The following FANCL variants were observed in gnomAD, a reference collection of about 807,000 sequenced individuals.
FANCL encodes FA complementation group L.
FANCL carries 69 observed loss-of-function variants against 59.4 expected under a neutral mutation model. The observed-to-expected ratio is 1.16, with a 90% CI of 0.96 to 1.42. The LOEUF (loss-of-function observed/expected upper bound fraction) is 1.42, where lower values mean the gene tolerates loss of function less well. Ranked by LOEUF, FANCL falls within the 40% of genes most tolerant of loss-of-function variation. The pLI is 0.00. For missense variants in FANCL, 519 were observed against 447.2 expected, an observed-to-expected ratio of 1.16 and a Z score of -1.45; for synonymous variants, 180 against 147.1, an observed-to-expected ratio of 1.22 and a Z score of -1.62.
intron 7 of FANCL, among the ~76,000 whole-genome samples, chr2:58,197,419 GT>G (rs1207221943): frequency 3.5e-4 from 54 of 152,126 alleles, no homozygotes; most frequent in African/African-American, 1.1e-3. Flanking sequence ...CACTAGAAAT[GT>G]TTTTTCTCTT....
At chr2:58,228,593 CA>C (rs1166353949) in intron 3 of FANCL, among the ~76,000 whole-genome samples, 2 of 152,188 alleles carry the variant, frequency 1.3e-5, no homozygotes, top group African/African-American at 4.8e-5. Context: ...GTAGCTGCAA[CA>C]GAGATCTTAT....
chr2:58,210,458 G>T (rs1332812228), intron 5 of FANCL, among the ~76,000 whole-genome samples: 1 of 152,158 alleles, frequency 6.6e-6, no homozygotes, highest in South Asian at 2.1e-4. Flanking sequence ...TACAATTCAA[G>T]ATGAGACTTG....
At chr2:58,168,611 C>T (rs944293455) in intron 7 of FANCL, among the ~76,000 whole-genome samples, 1 of 152,052 alleles carries the variant, frequency 6.6e-6, no homozygotes, top group African/African-American at 2.4e-5. Flanking sequence ...CTATTCACTC[C>T]CCTAGAAAGG....
intron 7 of FANCL, among the ~76,000 whole-genome samples, chr2:58,176,248 G>C (rs371659651): frequency 6.6e-6 from 1 of 152,072 alleles, no homozygotes; most frequent in African/African-American, 2.4e-5. Flanking sequence ...CAAGCTACCA[G>C]TGACTTTCTT....
chr2:58,185,325 C>T (rs1688295704), intron 7 of FANCL, among the ~76,000 whole-genome samples: 1 of 152,054 alleles, frequency 6.6e-6, no homozygotes, highest in African/African-American at 2.4e-5. Flanking sequence ...CTGACTGTTC[C>T]GTATACGGGC....
At chr2:58,219,151 AAAAAAAAAAAAAAAAAAAAAATATATAT>A (rs1277336405) in intron 5 of FANCL, among the ~76,000 whole-genome samples, 2 of 65,422 alleles carry the variant, frequency 3.1e-5, no homozygotes, top group African/African-American at 1.9e-4. Flanking sequence ...AAAAAAAAAA[AAAAAAAAAAAAAAAAAAAAAATATATAT>A]ATATATATAT....
At chr2:58,163,993 T>G (rs1471195446) in intron 8 of FANCL, among the ~76,000 whole-genome samples, 1 of 152,010 alleles carries the variant, frequency 6.6e-6, no homozygotes, top group African/African-American at 2.4e-5. Context: ...TTATAAAAAT[T>G]TATAAAAACA....
intron 5 of FANCL, among the ~76,000 whole-genome samples, chr2:58,220,508 A>G (rs971220944): frequency 6.6e-6 from 1 of 152,260 alleles, no homozygotes; most frequent in South Asian, 2.1e-4. Context: ...TTTCTGTAAT[A>G]ATCACAGTGC....
chr2:58,164,863 T>C (rs2104809879), intron 8 of FANCL, among the ~76,000 whole-genome samples: 1 of 152,208 alleles, frequency 6.6e-6, no homozygotes, highest in East Asian at 1.9e-4. Context: ...GTAGAACTGC[T>C]GTAAACTATA....
intron 5 of FANCL, among the ~76,000 whole-genome samples, chr2:58,208,182 T>A (rs1262084061): frequency 6.6e-6 from 1 of 152,120 alleles, no homozygotes; most frequent in Non-Finnish European, 1.5e-5. Context: ...CAATCATCAT[T>A]GGAAAGCTCA....
At chr2:58,163,250 T>A (rs561759044) in intron 9 of FANCL, 176 bp from the exon 10 acceptor site, 1 of 734,250 alleles carries the variant, frequency 1.4e-6, no homozygotes, top group Non-Finnish European at 2.3e-6. Context: ...TTAAAATAAC[T>A]ATCATTATTG....
intron 7 of FANCL, among the ~76,000 whole-genome samples, chr2:58,176,228 C>T (rs1687284076): frequency 6.6e-6 from 1 of 152,126 alleles, no homozygotes; most frequent in South Asian, 2.1e-4. Context: ...AGATTCAATG[C>T]CATCCCCATC....
At chr2:58,166,282 G>T (rs1003512470) in intron 7 of FANCL, among the ~76,000 whole-genome samples, 2 of 152,052 alleles carry the variant, frequency 1.3e-5, no homozygotes, top group African/African-American at 4.8e-5. Flanking sequence ...CATGTTTGCT[G>T]CAGCAATCAA....
chr2:58,226,856 G>T, intron 3 of FANCL, 72 bp from the exon 4 acceptor site: 1 of 1,243,076 alleles, frequency 8.0e-7, no homozygotes, highest in Non-Finnish European at 1.2e-6. Flanking sequence ...GTAAAAAAAT[G>T]TAGGCCCAAG....
intron 7 of FANCL, among the ~76,000 whole-genome samples, chr2:58,167,394 T>C (rs1185565488): frequency 6.6e-6 from 1 of 152,130 alleles, no homozygotes; most frequent in African/African-American, 2.4e-5. Context: ...ATCAGTACAA[T>C]AGTATATCTC....
At chr2:58,238,197 G>A (rs1030742337) in intron 1 of FANCL, among the ~76,000 whole-genome samples, 3 of 152,138 alleles carry the variant, frequency 2.0e-5, no homozygotes, top group Non-Finnish European at 4.4e-5. Context: ...TATCATTAGT[G>A]TATTTTATGT....
intron 7 of FANCL, among the ~76,000 whole-genome samples, chr2:58,185,934 C>A (rs540178820): frequency 6.6e-6 from 1 of 152,074 alleles, no homozygotes; most frequent in Admixed American, 6.6e-5. Flanking sequence ...CATATTAGTA[C>A]CTATCACTGA....
intron 7 of FANCL, among the ~76,000 whole-genome samples, chr2:58,173,940 A>G (rs1370835588): frequency 6.6e-6 from 1 of 152,124 alleles, no homozygotes; most frequent in East Asian, 1.9e-4. Flanking sequence ...GGATGGAGGA[A>G]GATCTACCAA....
chr2:58,193,345 T>C (rs1323331941), intron 7 of FANCL, among the ~76,000 whole-genome samples: 1 of 152,244 alleles, frequency 6.6e-6, no homozygotes, highest in South Asian at 2.1e-4. Context: ...ATGGTAACTT[T>C]ACATTTTAAT....
Sources: allele counts gnomAD v4.1 joint callset (sites outside exome capture counted in the v4.1 genomes callset), GRCh38; gene constraint gnomAD v4.1.1; transcripts MANE v1.5; gene names NCBI Gene and HGNC (gene_info 2026-07-23, HGNC 2026-07-21).